The following KRT8 variants were observed in gnomAD, a reference collection of about 807,000 sequenced individuals.
KRT8 encodes the protein keratin 8.
KRT8 carries 24 observed loss-of-function variants against 43.0 expected under a neutral mutation model. The ratio of observed to expected loss-of-function variants is 0.56; its 90% CI spans 0.40 to 0.78. KRT8 has a LOEUF of 0.78. Among genes scored for constraint, KRT8 ranks in the 30% least tolerant of loss-of-function variants. KRT8 has a pLI of 0.00. For synonymous variants in KRT8, 214 were observed against 261.2 expected, an observed-to-expected ratio of 0.82 and a Z score of 1.74; for missense variants, 492 against 638.4, an observed-to-expected ratio of 0.77 and a Z score of 2.47.
intron 4 of KRT8, 101 bp from the exon 5 acceptor site, chr12:52,900,166 G>A: frequency 8.0e-7 from 1 of 1,249,168 alleles, no homozygotes; most frequent in Non-Finnish European, 1.1e-6. Context: ...GGGCAGCAGA[G>A]GAGAGGAGCA....
intron 2 of KRT8, among the ~76,000 whole-genome samples, chr12:52,917,714 A>AAAG (rs370137953): frequency 0.2 from 19,213 of 95,564 alleles, 2,136 homozygotes; most frequent in East Asian, 0.47. Flanking sequence ...GTCTCAAAAA[A>AAAG]AAAAAAAAAA....
chr12:52,902,222 C>A, intron 1 of KRT8, 150 bp from the exon 2 acceptor site: 2 of 641,244 alleles, frequency 3.1e-6, no homozygotes, highest in South Asian at 1.8e-5. Flanking sequence ...GAAAGATCAC[C>A]TATGACCAGG....
intron 2 of KRT8, among the ~76,000 whole-genome samples, chr12:52,929,482 C>T (rs566414177): frequency 4.1e-4 from 62 of 152,340 alleles, no homozygotes; most frequent in Non-Finnish European, 6.9e-4. Context: ...GCGTGAGCCA[C>T]CTCGTCCAAC....
chr12:52,928,886 A>C (rs951109899), intron 2 of KRT8, among the ~76,000 whole-genome samples: 2 of 152,194 alleles, frequency 1.3e-5, no homozygotes, highest in African/African-American at 4.8e-5. Context: ...AGCCTGGGCA[A>C]CAAGAGTGAA....
At chr12:52,920,984 GC>G (rs770335186) in intron 2 of KRT8, among the ~76,000 whole-genome samples, 13 of 152,176 alleles carry the variant, frequency 8.5e-5, no homozygotes, top group Non-Finnish European at 1.3e-4. Flanking sequence ...TAACCAACCT[GC>G]CCCCACCCCA....
intron 2 of KRT8, chr12:52,948,513 TTTG>T: frequency 1.2e-5 from 2 of 167,396 alleles, no homozygotes; most frequent in Non-Finnish European, 2.4e-5. Flanking sequence ...TTTTTTTTTT[TTTG>T]AGACAGAGTC....
At chr12:52,908,154 C>T (rs551868875), upstream of KRT8, among the ~76,000 whole-genome samples, 1 of 152,292 alleles carries the variant, frequency 6.6e-6, no homozygotes, top group South Asian at 2.1e-4. Flanking sequence ...GGCATTAAGT[C>T]TTGGGGCCAG....
chr12:52,935,400 A>AAAAAG (rs766897780), intron 2 of KRT8, among the ~76,000 whole-genome samples: 6,858 of 134,578 alleles, frequency 0.051, 361 homozygotes, highest in East Asian at 0.16. Flanking sequence ...AAAAAAAAAA[A>AAAAAG]AAAAAAAAAA....
chr12:52,906,878 C>T, upstream of KRT8: 1 of 423,852 alleles, frequency 2.4e-6, no homozygotes, highest in Non-Finnish European at 4.8e-6. Context: ...AAGACAGGCA[C>T]ATAGGACCCC....
At chr12:52,925,311 C>G (rs1321816813) in intron 2 of KRT8, among the ~76,000 whole-genome samples, 1 of 152,140 alleles carries the variant, frequency 6.6e-6, no homozygotes, top group Non-Finnish European at 1.5e-5. Flanking sequence ...CTCTGAATAG[C>G]TGGGATAGCT....
intron 1 of KRT8, among the ~76,000 whole-genome samples, chr12:52,902,758 T>C (rs544212803): frequency 3.3e-5 from 5 of 151,566 alleles, no homozygotes; most frequent in Non-Finnish European, 7.4e-5. Flanking sequence ...ACGCTTGTAA[T>C]CCCAGCACTT....
exon 6 of KRT8, chr12:52,898,831 G>A (rs377555703): frequency 3.3e-5 from 54 of 1,613,506 alleles, no homozygotes; most frequent in East Asian, 4.5e-5. Context: ...ACAACTTGGC[G>A]TTGGCATCCT....
chr12:52,947,575 G>A lies in KRT8; in HGVS notation c.-47+1881C>T, dbSNP rs180794174. On this transcript the variant is annotated intron_variant, in intron 2 of 6. Transcript: ENST00000546826. ...GGCTCACTGCAACCTCTGCCTCCTG[G>A]GTTCAAGCGATTCTCCTGCCTCAGC... 7.3e-3 allele frequency: 1,108 copies of A among 152,310 alleles called. 8 individuals carry two copies. Among genetic ancestry groups the A allele is most frequent in the Non-Finnish European group, 0.014 (927 of 68,096 alleles). 9.4% of individuals were successfully genotyped at this position (152,310 alleles called of 1,614,324 possible).
At chr12:52,905,111 T>TG (rs895135719), upstream of KRT8, 110 of 1,450,664 alleles carry the variant, frequency 7.6e-5, no homozygotes, top group African/African-American at 4.0e-4. Flanking sequence ...CCCCGGGGGA[T>TG]GGGGGGGAAA....
At chr12:52,901,438 C>T (rs1341653868) in intron 2 of KRT8, 4 of 611,440 alleles carry the variant, frequency 6.5e-6, no homozygotes, top group African/African-American at 1.8e-5. Flanking sequence ...TCCATGAATA[C>T]ACATCGGATT....
At chr12:52,937,117 TC>T (rs1400262037) in intron 2 of KRT8, among the ~76,000 whole-genome samples, 2 of 152,130 alleles carry the variant, frequency 1.3e-5, no homozygotes, top group East Asian at 3.9e-4. Context: ...ACACCTGTAA[TC>T]GTAGCACTTT....
At chr12:52,934,377 T>C (rs545602556) in intron 2 of KRT8, among the ~76,000 whole-genome samples, 1 of 150,948 alleles carries the variant, frequency 6.6e-6, no homozygotes, top group East Asian at 2.0e-4. Flanking sequence ...CTGGCCAACA[T>C]GGTGAAACCC....
intron 2 of KRT8, among the ~76,000 whole-genome samples, chr12:52,938,162 A>T (rs1942204867): frequency 1.4e-4 from 5 of 35,246 alleles, no homozygotes; most frequent in South Asian, 7.6e-4. Context: ...ATATATATAT[A>T]TATATATATT....
intron 2 of KRT8, among the ~76,000 whole-genome samples, chr12:52,944,603 G>A (rs1345034946): frequency 6.6e-6 from 1 of 152,150 alleles, no homozygotes; most frequent in African/African-American, 2.4e-5. Context: ...GGGAGCTGAG[G>A]GGCTCCTAGA....
Sources: allele counts gnomAD v4.1 joint callset (sites outside exome capture counted in the v4.1 genomes callset), GRCh38; gene constraint gnomAD v4.1.1; transcripts MANE v1.5; gene names NCBI Gene and HGNC (gene_info 2026-07-23, HGNC 2026-07-21).